Variants in PPP1R13B observed in about 807,000 individuals in gnomAD.
PPP1R13B encodes protein phosphatase 1 regulatory subunit 13B.
PPP1R13B carries 44 observed loss-of-function variants against 119.8 expected under a neutral mutation model. The ratio of observed to expected loss-of-function variants is 0.37; its 90% CI spans 0.29 to 0.47. The LOEUF (loss-of-function observed/expected upper bound fraction) is 0.47. Among genes scored for constraint, PPP1R13B ranks in the 20% least tolerant of loss-of-function variants. PPP1R13B has a pLI of 0.99. For missense variants in PPP1R13B, 1,227 were observed against 1,413.5 expected (o/e 0.87, Z 2.12); for synonymous variants, 542 against 561.5 (o/e 0.97, Z 0.49).
chr14:103,734,689 CAT>C lies in PPP1R13B; in HGVS notation c.*463_*464del, dbSNP rs1467617184. 6 of 457,428 alleles carry C rather than the reference CAT, an allele frequency of 1.3e-5. No individual in the cohort carries two copies. Among genetic ancestry groups the C allele is most frequent in the African/African-American group, 6.0e-5 (3 of 50,226 alleles). The allele number at this position is 457,428 out of a possible 1,614,324, so 28.3% of individuals were successfully genotyped here. On this transcript the variant is annotated 3_prime_UTR_variant, in exon 17 of 17. Coordinates refer to ENST00000202556, the MANE Select transcript of PPP1R13B (RefSeq NM_015316.3). ...CTTTGGTGATGAAGGGAAGAAGGAT[CAT>C]GTGTGGGAAGTGTGAGAAAGGATGA... is the stretch of plus-strand genomic sequence containing the variant.
chr14:103,816,937 C>T (rs2086295742), intron 1 of PPP1R13B, among the ~76,000 whole-genome samples: 1 of 152,134 alleles, frequency 6.6e-6, no homozygotes, highest in Non-Finnish European at 1.5e-5. Flanking sequence ...AATCTAATAG[C>T]ACCCCATCTT....
At chr14:103,756,102 T>C (rs1240610099) in intron 5 of PPP1R13B, among the ~76,000 whole-genome samples, 1 of 152,078 alleles carries the variant, frequency 6.6e-6, no homozygotes, top group East Asian at 1.9e-4. Context: ...TTTCTTTTTT[T>C]TTTTCATTTT....
At chr14:103,837,326 T>C (rs1432303309) in intron 1 of PPP1R13B, among the ~76,000 whole-genome samples, 1 of 152,230 alleles carries the variant, frequency 6.6e-6, no homozygotes, top group Non-Finnish European at 1.5e-5. Context: ...GATTTAAGGA[T>C]AACATCTTTC....
rs1460410169 is a variant in PPP1R13B at position 103,734,355 on chromosome 14, G to A, written c.*799C>T. The A allele has an allele frequency of 6.2e-5, 23 of 368,838 alleles. 1 individual carries two copies. The highest frequency in any genetic ancestry group is 2.9e-4 in the South Asian group (15 of 51,362). 22.8% of individuals were successfully genotyped at this position (368,838 alleles called of 1,614,324 possible). ...AACCCCAACCACCCTCCGCTGCCAC[G>A]GCCTCCAGCACCTGACTCCATTCAG... On this transcript the variant is annotated 3_prime_UTR_variant, in exon 17 of 17. Coordinates refer to ENST00000202556, the MANE Select transcript of PPP1R13B (RefSeq NM_015316.3).
At chr14:103,751,667 G>A (rs1230387951) in intron 7 of PPP1R13B, among the ~76,000 whole-genome samples, 3 of 152,168 alleles carry the variant, frequency 2.0e-5, no homozygotes, top group South Asian at 2.1e-4. Context: ...AGTTCACGGA[G>A]AGAGACTACA....
At chr14:103,782,516 G>A (rs184897701) in intron 3 of PPP1R13B, among the ~76,000 whole-genome samples, 8 of 152,306 alleles carry the variant, frequency 5.3e-5, no homozygotes, top group African/African-American at 1.4e-4. Context: ...TGGGTAAAAG[G>A]TTTTATGTTT....
At chr14:103,840,355 G>A (rs1238477457) in intron 1 of PPP1R13B, among the ~76,000 whole-genome samples, 4 of 152,178 alleles carry the variant, frequency 2.6e-5, no homozygotes, top group Non-Finnish European at 5.9e-5. Context: ...GATATTTTAA[G>A]TTCTTATTTT....
At chr14:103,788,418 T>C (rs1344140261) in intron 2 of PPP1R13B, among the ~76,000 whole-genome samples, 1 of 152,214 alleles carries the variant, frequency 6.6e-6, no homozygotes, top group African/African-American at 2.4e-5. Flanking sequence ...TTATCCCTTT[T>C]CATTGTAATT....
intron 1 of PPP1R13B, among the ~76,000 whole-genome samples, chr14:103,814,533 G>A (rs1045965534): frequency 2.0e-5 from 3 of 152,156 alleles, no homozygotes; most frequent in Non-Finnish European, 4.4e-5. Flanking sequence ...GCTGAGCCCC[G>A]TGGCTCACAC....
At chr14:103,826,327 C>T (rs1014063796) in intron 1 of PPP1R13B, among the ~76,000 whole-genome samples, 1 of 152,150 alleles carries the variant, frequency 6.6e-6, no homozygotes, top group Non-Finnish European at 1.5e-5. Flanking sequence ...AACTACTTCC[C>T]GCTCAGCCCA....
In PPP1R13B at chr14:103,757,722, G is replaced by A. The variant is rs376419271; in HGVS notation, c.384C>T (p.Leu128=). The change falls in exon 5 of 17, where the codon CTC becomes CTT. Residue 128 remains leucine (L), a synonymous_variant. Transcript: ENST00000202556. ...TAGCTGCCATATCTTGGAGCTCTGA[G>A]AGGGTAAGTTCAACACGTGGATTCC... ...GVGNPRVELT[L]SELQDMAARQ... is the part of the protein sequence containing the mutation. The A allele has an allele frequency of 1.7e-5, 27 of 1,613,978 alleles. No individual in the cohort carries two copies. The highest frequency in any genetic ancestry group is 2.3e-5 in the Non-Finnish European group (27 of 1,179,986).
At chr14:103,736,292 G>T in intron 15 of PPP1R13B, 90 bp from the exon 16 acceptor site, 1 of 1,394,068 alleles carries the variant, frequency 7.2e-7, no homozygotes, top group Non-Finnish European at 1.0e-6. Context: ...TCGTGCTGCT[G>T]CCGAGGCTGC....
Position 103,738,140 on chromosome 14 carries a change from C to T in PPP1R13B, c.2865-280G>A, listed in dbSNP as rs528184822. On this transcript the variant is annotated intron_variant, in intron 14 of 16. Transcript: ENST00000202556. The surrounding 1 kb of genome is among the most constrained non-coding windows in gnomAD (Gnocchi z 5.6). ...TGTGAATGTACATAACACACTGAAA[C>T]ACACATTTAAAAATAGCTAAGATGT... Among the ~76,000 whole-genome samples, 1 of 152,360 alleles carries T rather than the reference C, an allele frequency of 6.6e-6. No individual in the cohort carries two copies. The highest frequency in any genetic ancestry group is 6.5e-5 in the Admixed American group (1 of 15,308).
chr14:103,778,331 G>C (rs573220691), intron 4 of PPP1R13B, among the ~76,000 whole-genome samples: 13 of 132,926 alleles, frequency 9.8e-5, no homozygotes, highest in African/African-American at 3.8e-4. Context: ...GTGCGATCTT[G>C]GCTCACTGCA....
In PPP1R13B at chr14:103,740,163, G is replaced by C. The variant is rs1047598488; in HGVS notation, c.2253C>G (p.Phe751Leu). 1.2e-6 allele frequency: 2 copies of C among 1,613,618 alleles called. No individual in the cohort carries two copies. The highest frequency in any genetic ancestry group is 1.7e-6 in the Non-Finnish European group (2 of 1,180,040). ...TGTCCACATCGGCCAAGGTGCCCAT[G>C]AAGTCCTGGGAGGGGCTGGGCTGGT... ...PFYQPSPSQD[F>L]MGTLADVDNG... The change falls in exon 12 of 17, where the codon TTC becomes TTG. Residue 751 changes from phenylalanine (F) to leucine (L), a missense_variant. Physicochemically the swap from Phe to Leu is conservative, Grantham distance 22. Coordinates refer to ENST00000202556, the MANE Select transcript of PPP1R13B (RefSeq NM_015316.3). This position sits in a 1 kb window ranked among gnomAD's most constrained non-coding sequence, Gnocchi z 4.6.
chr14:103,754,003 T>A, intron 6 of PPP1R13B, 67 bp downstream of exon 6: 1 of 1,534,272 alleles, frequency 6.5e-7, no homozygotes, highest in Non-Finnish European at 8.8e-7. Context: ...TGTCAGGCAG[T>A]TAGACTATGT....
At chr14:103,749,289 T>G (rs551235843) in intron 8 of PPP1R13B, among the ~76,000 whole-genome samples, 41 of 152,314 alleles carry the variant, frequency 2.7e-4, no homozygotes, top group African/African-American at 8.9e-4. Context: ...AAATAAGGAT[T>G]TTTTAGAAGC....
intron 1 of PPP1R13B, among the ~76,000 whole-genome samples, chr14:103,828,186 G>A (rs2086593433): frequency 6.6e-6 from 1 of 151,888 alleles, no homozygotes; most frequent in African/African-American, 2.4e-5. Flanking sequence ...GGCCAAAATG[G>A]TGAAACCCCA....
chr14:103,740,331 G>T lies in PPP1R13B; in HGVS notation c.2085C>A (p.Arg695=). 1 of 1,569,554 alleles carries T rather than the reference G, an allele frequency of 6.4e-7. No individual in the cohort carries two copies. Among genetic ancestry groups the T allele is most frequent in the Non-Finnish European group, 8.6e-7 (1 of 1,157,516 alleles). ...GCCGGGGCGCGTTGGCCAGCTTCCT[G>T]CGGAGGGCCTCCAGGTCTGCATCAC... ...YQSDADLEAL[R]RKLANAPRPL... is the part of the protein sequence containing the mutation. Residue 695 remains arginine (R), a synonymous_variant, in exon 12 of 17, where the codon CGC becomes CGA. Coordinates refer to ENST00000202556, the MANE Select transcript of PPP1R13B (RefSeq NM_015316.3). This position sits in a 1 kb window ranked among gnomAD's most constrained non-coding sequence, Gnocchi z 4.6.
Sources: allele counts gnomAD v4.1 joint callset (sites outside exome capture counted in the v4.1 genomes callset), GRCh38; gene constraint gnomAD v4.1.1; non-coding constraint Gnocchi (gnomAD v3.1); transcripts MANE v1.5; gene names NCBI Gene and HGNC (gene_info 2026-07-23, HGNC 2026-07-21).